UNC13C: variants seen among roughly 807,000 people sequenced by gnomAD.
UNC13C encodes the protein unc-13 homolog C, also known as protein unc-13 homolog C.
UNC13C carries 174 observed loss-of-function variants against 245.4 expected under a neutral mutation model. The ratio of observed to expected loss-of-function variants is 0.71; its 90% confidence interval spans 0.63 to 0.80. The LOEUF (loss-of-function observed/expected upper bound fraction) is 0.80, where lower values mean the gene tolerates loss of function less well. Among genes scored for constraint, UNC13C ranks in the 30% least tolerant of loss-of-function variants. The pLI, the probability that UNC13C is intolerant of heterozygous loss-of-function variation, is 0.00. For missense variants in UNC13C, 2,829 were observed against 2,602.9 expected (o/e 1.09, Z -1.89); for synonymous variants, 992 against 895.1 (o/e 1.11, Z -1.93).
At chr15:54,258,269 C>A (rs962050712) in intron 8 of UNC13C, among the ~76,000 whole-genome samples, 1 of 152,148 alleles carries the variant, frequency 6.6e-6, no homozygotes, top group African/African-American at 2.4e-5. Flanking sequence ...GAGCATCCAG[C>A]ATACTGCAGA....
At chr15:54,532,116 T>C (rs573303991) in intron 25 of UNC13C, among the ~76,000 whole-genome samples, 1 of 152,168 alleles carries the variant, frequency 6.6e-6, no homozygotes, top group Non-Finnish European at 1.5e-5. Context: ...TTATAATACA[T>C]CATCCAGGTA....
chr15:53,903,836 AGCT>A, the UNC13C span, among the ~76,000 whole-genome samples: 3 of 174 alleles, frequency 0.017, no homozygotes, highest in African/African-American at 0.027. Context: ...AATTTCTGAC[AGCT>A]ACATAGCTAC....
At chr15:54,351,438 T>TA (rs2038980430) in intron 17 of UNC13C, among the ~76,000 whole-genome samples, 2 of 152,172 alleles carry the variant, frequency 1.3e-5, no homozygotes, top group Admixed American at 1.3e-4. Context: ...CTACAGTATG[T>TA]AAAAAATCTG....
At chr15:54,221,432 G>A (rs997980621) in intron 4 of UNC13C, among the ~76,000 whole-genome samples, 1 of 151,792 alleles carries the variant, frequency 6.6e-6, no homozygotes, top group East Asian at 1.9e-4. Flanking sequence ...CTAATATTTA[G>A]CAGGTGGAAA....
chr15:54,248,868 AAC>A (rs1309642768), intron 7 of UNC13C, among the ~76,000 whole-genome samples: 4 of 152,196 alleles, frequency 2.6e-5, no homozygotes, highest in South Asian at 4.1e-4. Context: ...ATTCTGGGAA[AAC>A]ACAGAGTGAG....
chr15:54,310,929 T>C (rs1197074986), intron 13 of UNC13C, among the ~76,000 whole-genome samples: 1 of 151,740 alleles, frequency 6.6e-6, no homozygotes, highest in Non-Finnish European at 1.5e-5. Flanking sequence ...ATCCAAGAAA[T>C]GTTTACTTTG....
intron 12 of UNC13C, among the ~76,000 whole-genome samples, chr15:54,299,840 A>G (rs1476566133): frequency 6.6e-6 from 1 of 152,130 alleles, no homozygotes; most frequent in African/African-American, 2.4e-5. Flanking sequence ...TGATTCTCAT[A>G]TACTTTAAAG....
chr15:54,525,412 CA>C (rs75531604), intron 24 of UNC13C, 136 bp from the exon 25 acceptor site: 87,577 of 386,554 alleles, frequency 0.23, 316 homozygotes, highest in East Asian at 0.25. Flanking sequence ...TTTCAAAGAC[CA>C]AAAAAAAAAA....
At chr15:53,894,493 G>A in the UNC13C span, among the ~76,000 whole-genome samples, 1 of 152,298 alleles carries the variant, frequency 6.6e-6, no homozygotes, top group African/African-American at 2.4e-5. Flanking sequence ...CTTATAGCAA[G>A]AAGTGGTCAT....
At chr15:54,330,675 A>G (rs1021547693) in intron 14 of UNC13C, among the ~76,000 whole-genome samples, 5 of 152,036 alleles carry the variant, frequency 3.3e-5, no homozygotes, top group East Asian at 1.9e-4. Flanking sequence ...CTCCTTTTCT[A>G]TCTGGATTGA....
chr15:53,990,293 C>T (rs1008743784), intron 1 of UNC13C, among the ~76,000 whole-genome samples: 3 of 152,000 alleles, frequency 2.0e-5, no homozygotes, highest in East Asian at 3.9e-4. Context: ...ATGGGATCAT[C>T]GATGAAGAAG....
chr15:54,083,022 GGT>G (rs1361396187), intron 2 of UNC13C, among the ~76,000 whole-genome samples: 1 of 152,102 alleles, frequency 6.6e-6, no homozygotes, highest in African/African-American at 2.4e-5. Context: ...TTTTTAATTT[GGT>G]GGTGCAATTC....
At chr15:54,442,631 T>G (rs1299086979) in intron 19 of UNC13C, among the ~76,000 whole-genome samples, 2 of 152,096 alleles carry the variant, frequency 1.3e-5, no homozygotes, top group Non-Finnish European at 2.9e-5. Context: ...CTATGCCTAG[T>G]TTATTGAGAA....
chr15:53,930,103 C>T, the UNC13C span, among the ~76,000 whole-genome samples: 20 of 152,214 alleles, frequency 1.3e-4, no homozygotes, highest in South Asian at 4.1e-3. Context: ...GCAAGGTGGC[C>T]TTTCTCACAT....
the UNC13C span, among the ~76,000 whole-genome samples, chr15:53,851,764 C>T: frequency 2.0e-5 from 3 of 152,112 alleles, no homozygotes; most frequent in South Asian, 4.1e-4. Flanking sequence ...CGTTCAATCA[C>T]GCCTGTCCAA....
intron 7 of UNC13C, among the ~76,000 whole-genome samples, chr15:54,248,139 T>C (rs1310204576): frequency 2.0e-5 from 3 of 152,226 alleles, no homozygotes; most frequent in African/African-American, 7.2e-5. Context: ...CTTACTTTTC[T>C]TCCTTTCATT....
chr15:54,561,361 A>T (rs1180492169), intron 29 of UNC13C, among the ~76,000 whole-genome samples: 2 of 152,066 alleles, frequency 1.3e-5, no homozygotes, highest in Admixed American at 1.3e-4. Flanking sequence ...GAAACAGATT[A>T]AAAATATCAT....
At chr15:54,516,935 A>G (rs1223622841) in intron 24 of UNC13C, among the ~76,000 whole-genome samples, 1 of 152,124 alleles carries the variant, frequency 6.6e-6, no homozygotes, top group Non-Finnish European at 1.5e-5. Flanking sequence ...GTTTGTATGG[A>G]AATTGGAACA....
chr15:54,145,209 G>A (rs1396318405), intron 4 of UNC13C, among the ~76,000 whole-genome samples: 1 of 151,820 alleles, frequency 6.6e-6, no homozygotes, highest in Non-Finnish European at 1.5e-5. Flanking sequence ...GCATGTTTTA[G>A]TTTTTTTATC....
Sources: allele counts gnomAD v4.1 joint callset (sites outside exome capture counted in the v4.1 genomes callset), GRCh38; gene constraint gnomAD v4.1.1; transcripts MANE v1.5; gene names NCBI Gene and HGNC (gene_info 2026-07-23, HGNC 2026-07-21).